The following CLSTN2 variants were observed in gnomAD, a reference collection of about 807,000 sequenced individuals.
CLSTN2 encodes calsyntenin-2.
Under a neutral mutation model 101.2 loss-of-function variants are expected in CLSTN2, and 48 were observed. The observed-to-expected ratio is 0.47, with a 90% CI of 0.38 to 0.60. The LOEUF (loss-of-function observed/expected upper bound fraction) is 0.60, where lower values mean the gene tolerates loss of function less well. Ranked by LOEUF, CLSTN2 falls within the 20% of genes least tolerant of loss-of-function variation. The pLI is 0.00. For synonymous variants in CLSTN2, 481 were observed against 463.6 expected (o/e 1.04, Z -0.48); for missense variants, 1,160 against 1,238.2 (o/e 0.94, Z 0.95).
At chr3:140,272,473 G>T (rs1163509433) in intron 2 of CLSTN2, among the ~76,000 whole-genome samples, 1 of 152,192 alleles carries the variant, frequency 6.6e-6, no homozygotes, top group Non-Finnish European at 1.5e-5. Flanking sequence ...TGACTGGTCG[G>T]GTGTGGTGGC....
At chr3:140,494,790 C>T (rs1559886075) in intron 8 of CLSTN2, among the ~76,000 whole-genome samples, 1 of 152,154 alleles carries the variant, frequency 6.6e-6, no homozygotes, top group Non-Finnish European at 1.5e-5. Context: ...AAAGGACATG[C>T]TCTCATTCCT....
chr3:140,014,826 T>C (rs1158690694), intron 1 of CLSTN2, among the ~76,000 whole-genome samples: 1 of 152,034 alleles, frequency 6.6e-6, no homozygotes, highest in Non-Finnish European at 1.5e-5. Context: ...CGTAAGAACT[T>C]TGGATTTTTC....
At chr3:140,171,104 C>T (rs1001399859) in intron 1 of CLSTN2, among the ~76,000 whole-genome samples, 1 of 152,174 alleles carries the variant, frequency 6.6e-6, no homozygotes, top group Non-Finnish European at 1.5e-5. Context: ...TTTCTCCCAA[C>T]AGCTGCAAAT....
chr3:140,554,456 A>G (rs1935761157), intron 10 of CLSTN2, among the ~76,000 whole-genome samples: 1 of 152,196 alleles, frequency 6.6e-6, no homozygotes, highest in East Asian at 1.9e-4. Flanking sequence ...CTTAAACTAC[A>G]CTAAGATGGG....
chr3:140,328,278 C>T (rs1479946516), intron 2 of CLSTN2, among the ~76,000 whole-genome samples: 1 of 152,158 alleles, frequency 6.6e-6, no homozygotes, highest in Non-Finnish European at 1.5e-5. Context: ...GGACCACACA[C>T]CACGATAATC....
intron 8 of CLSTN2, among the ~76,000 whole-genome samples, chr3:140,525,778 C>CAAATCTATAA (rs1935124769): frequency 6.6e-6 from 1 of 152,102 alleles, no homozygotes; most frequent in Admixed American, 6.5e-5. Flanking sequence ...TCAACACATG[C>CAAATCTATAA]AAATCTATAA....
intron 8 of CLSTN2, among the ~76,000 whole-genome samples, chr3:140,509,981 C>T (rs1934776378): frequency 6.6e-6 from 1 of 152,238 alleles, no homozygotes; most frequent in African/African-American, 2.4e-5. Flanking sequence ...ATTTAATACA[C>T]TTAAGCTACT....
chr3:140,490,246 G>A (rs1356141768), intron 8 of CLSTN2, among the ~76,000 whole-genome samples: 1 of 149,710 alleles, frequency 6.7e-6, no homozygotes, highest in African/African-American at 2.5e-5. Context: ...ATTTCTCTGT[G>A]TATTCTCTCA....
intron 1 of CLSTN2, among the ~76,000 whole-genome samples, chr3:140,104,078 A>G (rs994966739): frequency 1.2e-4 from 18 of 152,348 alleles, no homozygotes; most frequent in Admixed American, 1.0e-3. Flanking sequence ...CTGGAATGGA[A>G]GGAATTTCAC....
intron 1 of CLSTN2, among the ~76,000 whole-genome samples, chr3:140,162,852 A>G (rs2010072097): frequency 6.6e-6 from 1 of 152,214 alleles, no homozygotes; most frequent in Admixed American, 6.5e-5. Flanking sequence ...TTAGAATCTA[A>G]GGCGTGAAAT....
rs147961861 is a variant in CLSTN2 at position 139,938,488 on chromosome 3, C to T, written c.109+3005C>T. On this transcript the variant is annotated intron_variant, in intron 1 of 16. Coordinates refer to ENST00000458420, the MANE Select transcript of CLSTN2 (RefSeq NM_022131.3). ...GACATATTTCCAATTTCAGAAATCA[C>T]ACAGTGGCCAGGCAATTATAACTCC... Among the ~76,000 whole-genome samples, 1,035 of 152,300 alleles carry T rather than the reference C, an allele frequency of 6.8e-3. 7 individuals are homozygous for T. Among genetic ancestry groups the T allele is most frequent in the Non-Finnish European group, 0.011 (741 of 68,026 alleles).
chr3:140,037,914 T>C (rs1576405364), intron 1 of CLSTN2, among the ~76,000 whole-genome samples: 1 of 152,220 alleles, frequency 6.6e-6, no homozygotes, highest in Non-Finnish European at 1.5e-5. Flanking sequence ...CCATGGTGTA[T>C]ATGAACCACA....
At chr3:139,968,101 G>C (rs939542614) in intron 1 of CLSTN2, among the ~76,000 whole-genome samples, 7 of 152,132 alleles carry the variant, frequency 4.6e-5, no homozygotes, top group African/African-American at 1.4e-4. Context: ...GCCCAAATAA[G>C]ACTCTCCTTT....
intron 2 of CLSTN2, among the ~76,000 whole-genome samples, chr3:140,343,991 C>A (rs2087517236): frequency 6.6e-6 from 1 of 152,194 alleles, no homozygotes; most frequent in Non-Finnish European, 1.5e-5. Flanking sequence ...CCGCCCCAAG[C>A]CTCAGAGTCA....
intron 9 of CLSTN2, among the ~76,000 whole-genome samples, chr3:140,543,280 C>T (rs941273433): frequency 6.6e-6 from 1 of 152,122 alleles, no homozygotes; most frequent in African/African-American, 2.4e-5. Context: ...CAGAGATGCC[C>T]TTTTGCTGGG....
At chr3:140,240,760 T>C (rs1334519380) in intron 2 of CLSTN2, among the ~76,000 whole-genome samples, 1 of 152,144 alleles carries the variant, frequency 6.6e-6, no homozygotes, top group Non-Finnish European at 1.5e-5. Flanking sequence ...AAGCTAACTT[T>C]GAGAGACTGA....
At chr3:140,379,452 A>G (rs2087955326) in intron 2 of CLSTN2, among the ~76,000 whole-genome samples, 1 of 152,180 alleles carries the variant, frequency 6.6e-6, no homozygotes, top group African/African-American at 2.4e-5. Flanking sequence ...ATTGTAGGGA[A>G]ATCATTCAGC....
chr3:140,507,561 T>A (rs868844395), intron 8 of CLSTN2: 2 of 152,142 alleles, frequency 1.3e-5, no homozygotes, highest in African/African-American at 2.4e-5. Context: ...TGCCACAGGG[T>A]GCTGCCTTTG....
At chr3:140,035,989 G>T (rs1199206453) in intron 1 of CLSTN2, among the ~76,000 whole-genome samples, 1 of 152,182 alleles carries the variant, frequency 6.6e-6, no homozygotes, top group African/African-American at 2.4e-5. Context: ...GGGAGCCAGG[G>T]CTCCCTGTCA....
Sources: allele counts gnomAD v4.1 joint callset (sites outside exome capture counted in the v4.1 genomes callset), GRCh38; gene constraint gnomAD v4.1.1; transcripts MANE v1.5; gene names NCBI Gene and HGNC (gene_info 2026-07-23, HGNC 2026-07-21).